The following KALRN variants were observed in gnomAD, a reference collection of about 807,000 sequenced individuals.
The protein encoded by KALRN is kalirin RhoGEF kinase, also known as kalirin.
A neutral mutation model predicts 353.7 loss-of-function variants in KALRN; 70 were observed. That is an observed-to-expected ratio of 0.20 (90% CI 0.16 to 0.24). KALRN has a LOEUF of 0.24. Among genes scored for constraint, KALRN ranks in the 10% least tolerant of loss-of-function variants. KALRN has a pLI of 1.00. For missense variants in KALRN, 2,791 were observed against 3,756.7 expected (o/e 0.74, Z 6.72); for synonymous variants, 1,391 against 1,434.8 (o/e 0.97, Z 0.69).
rs540561853 is a variant in KALRN at position 124,698,304 on chromosome 3, C to T, written c.7831+580C>T. Among the ~76,000 whole-genome samples the T allele has an allele frequency of 1.2e-3, 177 of 152,298 alleles. 2 individuals carry two copies. The highest frequency in any genetic ancestry group is 4.2e-3 in the African/African-American group (175 of 41,574). On this transcript the variant is annotated intron_variant, in intron 55 of 59. Coordinates refer to ENST00000682506, the MANE Select transcript of KALRN (RefSeq NM_001388419.1). ...TGCTCTTGTTTTTCTGTCTTCTCTT[C>T]GTCTCTAGGAGGTCCTTCAGAATTG...
intron 3 of KALRN, among the ~76,000 whole-genome samples, chr3:124,236,071 G>A (rs2079714791): frequency 6.6e-6 from 1 of 152,124 alleles, no homozygotes; most frequent in Admixed American, 6.5e-5. Context: ...ATGCTTGGAA[G>A]GATGTTGAAT....
intron 17 of KALRN, among the ~76,000 whole-genome samples, chr3:124,436,263 T>A (rs9863109): frequency 0.026 from 3,978 of 152,296 alleles, 178 homozygotes; most frequent in African/African-American, 0.089. Flanking sequence ...TACCCTGAAG[T>A]GACCTTGCCG....
At chr3:124,686,888 C>T (rs1354302790) in intron 51 of KALRN, among the ~76,000 whole-genome samples, 1 of 140,550 alleles carries the variant, frequency 7.1e-6, no homozygotes. Context: ...GATCTCGGCT[C>T]ACTGCAGCAC....
chr3:124,482,872 G>A lies in KALRN; in HGVS notation c.4256G>A (p.Arg1419Lys), dbSNP rs761877603. 2 of 1,612,944 alleles carry A rather than the reference G, an allele frequency of 1.2e-6. No individual in the cohort carries two copies. Among genetic ancestry groups the A allele is most frequent in the Non-Finnish European group, 1.7e-6 (2 of 1,178,972 alleles). ...ISSYLIKPVQ[R>K]ITKYQLLLKE... ...TCCTACCTAATTAAGCCTGTCCAAA[G>A]GATCACCAAATATCAACTGCTCCTG... Residue 1419 changes from arginine (R) to lysine (K), a missense_variant, in exon 28 of 60, where the codon AGG becomes AAG. By Grantham distance (26) the Arg-to-Lys change is conservative. Around this residue, in one of 11 missense-constraint regions of KALRN, gnomAD observed 54 missense variants for 131.7 expected, o/e 0.41. Transcript: ENST00000682506.
chr3:124,554,681 TAGAG>T (rs2070989771), intron 33 of KALRN, among the ~76,000 whole-genome samples: 1 of 152,170 alleles, frequency 6.6e-6, no homozygotes, highest in African/African-American at 2.4e-5. Context: ...TGGTCTCTGT[TAGAG>T]AGGTTTTTCT....
At chr3:124,474,592 G>A (rs917553131) in intron 25 of KALRN, 71 bp from the exon 26 acceptor site, 9 of 1,161,054 alleles carry the variant, frequency 7.8e-6, no homozygotes, top group Non-Finnish European at 1.2e-5. Context: ...TGGTTGTGCT[G>A]GCCTCAGTGC....
intron 56 of KALRN, among the ~76,000 whole-genome samples, chr3:124,701,582 C>T (rs886498720): frequency 6.6e-6 from 1 of 151,888 alleles, no homozygotes; most frequent in African/African-American, 2.4e-5. Flanking sequence ...GAGACAGGGT[C>T]TTGCTATGTG....
At chr3:124,234,654 G>A (rs2079542525) in intron 2 of KALRN, among the ~76,000 whole-genome samples, 175 bp from the exon 3 acceptor site, 1 of 152,070 alleles carries the variant, frequency 6.6e-6, no homozygotes, top group Admixed American at 6.5e-5. Context: ...CTTGCCCACG[G>A]TCATATGTGC....
At chr3:124,582,229 C>G (rs2074700120) in intron 34 of KALRN, among the ~76,000 whole-genome samples, 1 of 152,146 alleles carries the variant, frequency 6.6e-6, no homozygotes. Flanking sequence ...CCATGTTGGC[C>G]AGGCTAGTCT....
rs71145464 is a variant in KALRN, at chr3:124,618,086, C to CTTTTTTTTT, written c.5183-14302_5183-14294dup. Among the ~76,000 whole-genome samples, 40 of 63,352 alleles carry CTTTTTTTTT rather than the reference C, an allele frequency of 6.3e-4. 7 individuals are homozygous for CTTTTTTTTT. The highest frequency in any genetic ancestry group is 1.5e-3 in the South Asian group (2 of 1,324). 41.6% of individuals were successfully genotyped at this position (63,352 alleles called of 152,430 possible). A position where few individuals can be genotyped will look rare whatever the true frequency, so the allele number is the denominator to read the frequency against. ...GGAAAGAAAATACCAGTGCAGAAATCTTTTTTTTTTTTTTTTTTTTTTTTT... is the reference window on the plus strand; with the variant it reads ...GGAAAGAAAATACCAGTGCAGAAATCTTTTTTTTTTTTTTTTTTTTTTTTTTTTTTTTTT... On this transcript the variant is annotated intron_variant, in intron 34 of 59. Coordinates refer to ENST00000682506, the MANE Select transcript of KALRN (RefSeq NM_001388419.1).
At chr3:124,362,932 C>T (rs1487641335) in intron 10 of KALRN, among the ~76,000 whole-genome samples, 1 of 152,144 alleles carries the variant, frequency 6.6e-6, no homozygotes, top group Admixed American at 6.5e-5. Flanking sequence ...GGATGTAGAT[C>T]TTGAGTCTGA....
intron 1 of KALRN, among the ~76,000 whole-genome samples, chr3:124,113,937 C>T (rs1193132420): frequency 6.6e-6 from 1 of 152,164 alleles, no homozygotes; most frequent in African/African-American, 2.4e-5. Flanking sequence ...ATCCAAGGGC[C>T]ATGGTGAATA....
chr3:124,190,228 GAAGCTGAAAC>G (rs1412636531), intron 1 of KALRN, among the ~76,000 whole-genome samples: 1 of 152,184 alleles, frequency 6.6e-6, no homozygotes, highest in African/African-American at 2.4e-5. Flanking sequence ...TGAAAGCCCA[GAAGCTGAAAC>G]AAGCAGGGAG....
At chr3:124,449,904 G>A (rs1193464405) in intron 21 of KALRN, among the ~76,000 whole-genome samples, 3 of 152,216 alleles carry the variant, frequency 2.0e-5, no homozygotes, top group Admixed American at 2.0e-4. Context: ...TAAATAGCAT[G>A]CCATTTCATT....
intron 16 of KALRN, among the ~76,000 whole-genome samples, chr3:124,431,869 T>C (rs2093292057): frequency 6.6e-6 from 1 of 152,164 alleles, no homozygotes; most frequent in African/African-American, 2.4e-5. Flanking sequence ...GTATAAACAG[T>C]GTTAAGATGC....
At chr3:124,137,812 C>T (rs189369978) in intron 1 of KALRN, among the ~76,000 whole-genome samples, 2 of 152,136 alleles carry the variant, frequency 1.3e-5, no homozygotes, top group South Asian at 2.1e-4. Flanking sequence ...GGGTGTGGGT[C>T]GGATGCAGGG....
intron 2 of KALRN, among the ~76,000 whole-genome samples, chr3:124,229,891 A>G (rs774273609): frequency 6.6e-6 from 1 of 152,268 alleles, no homozygotes; most frequent in Non-Finnish European, 1.5e-5. Flanking sequence ...AGTATATCTT[A>G]TAAGGTAATG....
At chr3:124,393,618 G>T (rs1327356564) in intron 11 of KALRN, among the ~76,000 whole-genome samples, 1 of 152,214 alleles carries the variant, frequency 6.6e-6, no homozygotes, top group Non-Finnish European at 1.5e-5. Context: ...TCAGCATAAT[G>T]CTGTAGGCTT....
At chr3:124,472,192 G>T (rs1334055652) in intron 25 of KALRN, among the ~76,000 whole-genome samples, 2 of 152,116 alleles carry the variant, frequency 1.3e-5, no homozygotes, top group East Asian at 3.8e-4. Flanking sequence ...TTCTATCAAT[G>T]ATCAATTCTT....
Sources: gnomAD v4.1 joint callset for allele counts (sites outside exome capture counted in the v4.1 genomes callset) on GRCh38, gnomAD v4.1.1 for gene constraint, gnomAD v4.1.1 regional missense constraint, MANE v1.5 for transcripts, NCBI Gene and HGNC (gene_info 2026-07-23, HGNC 2026-07-21) for gene names.